C17orf113: variants seen among roughly 807,000 people sequenced by gnomAD.
C17orf113 encodes the protein uncharacterized protein C17orf113.
In C17orf113, 5 loss-of-function variants were observed where a neutral mutation model predicts 11.6. That is an observed-to-expected ratio of 0.43 (90% CI 0.23 to 0.91). C17orf113 has a LOEUF of 0.91. Ranked by LOEUF, C17orf113 falls within the 40% of genes least tolerant of loss-of-function variation. The probability of loss-of-function intolerance (pLI) is 0.26; values close to 1 mark genes in which losing one functional copy is unlikely to be tolerated. For missense variants in C17orf113, 714 were observed against 841.3 expected (o/e 0.85, Z 1.87); for synonymous variants, 327 against 390.6 (o/e 0.84, Z 1.92).
At position 42,043,267 on chromosome 17, in the gene C17orf113, T is replaced by A. The variant is rs1415443923; in HGVS notation, c.110A>T (p.Asp37Val). The part of the protein sequence containing the change: ...WKEEFTWLDF[D>V]YERKLMFCLE... ...GCAGAACATCAGCTTCCGCTCATAG[T>A]CAAAGTCCAGCCAGGTAAACTCCTC... The change falls in exon 2 of 3, where the codon GAC (aspartate) becomes GTC (valine). Residue 37 changes from aspartate to valine, a missense_variant. Coordinates refer to ENST00000587304, the MANE Select transcript of C17orf113 (RefSeq NM_001358661.2). The A allele has an allele frequency of 4.4e-5, 54 of 1,232,136 alleles. No homozygotes were observed. The highest frequency in any genetic ancestry group is 5.4e-5 in the Non-Finnish European group (53 of 988,016). 76.3% of individuals were successfully genotyped at this position (1,232,136 alleles called of 1,614,324 possible).
intron 1 of C17orf113, among the ~76,000 whole-genome samples, chr17:42,047,899 C>T (rs1011742984): frequency 9.2e-5 from 14 of 152,110 alleles, no homozygotes; most frequent in African/African-American, 2.9e-4. Context: ...GTGATCTGCC[C>T]GCCTCAGCCT....
chr17:42,040,081 G>A lies in C17orf113; in HGVS notation c.1652C>T (p.Ala551Val), dbSNP rs2052976542. The stretch of plus-strand genomic sequence containing the variant: ...GCCCAGCGCCCGCTGGCGCACCACG[G>A]CAGGAGCAAAGCCGCGCAGCAGCAC... ...LRVLLRGFAP[A>V]VVRQRALGDF... The change falls in exon 3 of 3, where the codon GCC (alanine) becomes GTC (valine). Residue 551 changes from alanine to valine, a missense_variant. By Grantham distance (64) the Ala-to-Val change is moderately conservative. Around this residue, in one of 3 missense-constraint regions of C17orf113, gnomAD observed 194 missense variants for 197.2 expected, o/e 0.98. Transcript: ENST00000587304. The A allele has an allele frequency of 2.4e-6, 3 of 1,231,286 alleles. No homozygotes were observed. The highest frequency in any genetic ancestry group is 3.0e-6 in the Non-Finnish European group (3 of 987,620). 76.3% of individuals were successfully genotyped at this position (1,231,286 alleles called of 1,614,324 possible).
Position 42,043,381 on chromosome 17 carries a change from GCT to G in C17orf113, c.-7_-6del. On this transcript the variant is annotated 5_prime_UTR_variant, in exon 2 of 3. Coordinates refer to ENST00000587304, the MANE Select transcript of C17orf113 (RefSeq NM_001358661.2). ...TTTCTTCCCTGGGGGCACCATTCTTGCTCTCTCAGCAAGGAACCCCCAACCCC... is the reference window on the plus strand; with the variant it reads ...TTTCTTCCCTGGGGGCACCATTCTTGCTCTCAGCAAGGAACCCCCAACCCC... The G allele has an allele frequency of 8.1e-7, 1 of 1,232,216 alleles. No homozygotes were observed. Among genetic ancestry groups the G allele is most frequent in the Non-Finnish European group, 1.0e-6 (1 of 988,018 alleles). 76.3% of individuals were successfully genotyped at this position (1,232,216 alleles called of 1,614,324 possible).
intron 1 of C17orf113, among the ~76,000 whole-genome samples, chr17:42,044,627 AAAAG>A (rs1265590908): frequency 2.0e-5 from 3 of 152,026 alleles, no homozygotes; most frequent in East Asian, 1.9e-4. Context: ...AAAAAAAAAA[AAAAG>A]AAAGAAAAGA....
intron 1 of C17orf113, among the ~76,000 whole-genome samples, chr17:42,046,863 CT>C (rs782334593): frequency 4.3e-3 from 611 of 140,496 alleles, no homozygotes; most frequent in Non-Finnish European, 4.5e-3. Context: ...ATTTTTTTTC[CT>C]TTTTTTTTTT....
chr17:42,049,300 C>T (rs2053236642), intron 1 of C17orf113, among the ~76,000 whole-genome samples: 1 of 152,196 alleles, frequency 6.6e-6, no homozygotes. Context: ...TCTCTCCATT[C>T]CATGCTCCAC....
Position 42,049,674 on chromosome 17 carries a change from T to G in C17orf113, c.-188+883A>C, listed in dbSNP as rs181169755. On this transcript the variant is annotated intron_variant, in intron 1 of 2. Coordinates refer to ENST00000587304, the MANE Select transcript of C17orf113 (RefSeq NM_001358661.2). ...GGGGTGCAAAAGCAAGGTGATGCCC[T>G]TCTGGAATTTTGTCAGATCCTTTCC... 2.9e-4 allele frequency among the ~76,000 whole-genome samples: 44 copies of G among 152,362 alleles called. 1 individual carries two copies. Among genetic ancestry groups the G allele is most frequent in the Admixed American group, 2.7e-3 (42 of 15,310 alleles).
intron 1 of C17orf113, among the ~76,000 whole-genome samples, chr17:42,045,195 G>C (rs1043339098): frequency 1.3e-5 from 2 of 152,148 alleles, no homozygotes; most frequent in Admixed American, 6.5e-5. Flanking sequence ...GGGATTACAG[G>C]CGTGAGCCAC....
At position 42,050,509 on chromosome 17, in the gene C17orf113, G is replaced by A. The variant is rs1555657013; in HGVS notation, c.-188+48C>T. 1.3e-5 allele frequency: 2 copies of A among 152,142 alleles called. No homozygotes were observed. Among genetic ancestry groups the A allele is most frequent in the Admixed American group, 6.5e-5 (1 of 15,270 alleles). The allele number at this position is 152,142 out of a possible 1,614,324, so 9.4% of individuals were successfully genotyped here. A position where few individuals can be genotyped will look rare whatever the true frequency, so the allele number is the denominator to read the frequency against. ...CGCCCGTCCCGCCCGCTCCGGGAGG[G>A]GGCGTCCAGCCCGGCCTGGCGCCCC... On this transcript the variant is annotated intron_variant, in intron 1 of 2. Coordinates refer to ENST00000587304, the MANE Select transcript of C17orf113 (RefSeq NM_001358661.2). The surrounding 1 kb of genome is among the most constrained non-coding windows in gnomAD (Gnocchi z 5.6).
intron 1 of C17orf113, among the ~76,000 whole-genome samples, chr17:42,045,168 C>T (rs1217706596): frequency 6.6e-6 from 1 of 152,166 alleles, no homozygotes; most frequent in South Asian, 2.1e-4. Flanking sequence ...CCGTCCGCCT[C>T]GGCCTCCCAA....
chr17:42,046,643 C>T (rs4796630), intron 1 of C17orf113, among the ~76,000 whole-genome samples: 109,444 of 151,720 alleles, frequency 0.72, 42,056 homozygotes, highest in South Asian at 0.85. Context: ...AATAAAAATA[C>T]GAGAGGCCAA....
intron 1 of C17orf113, among the ~76,000 whole-genome samples, chr17:42,047,389 G>A (rs898505575): frequency 2.1e-4 from 32 of 151,996 alleles, no homozygotes; most frequent in Admixed American, 4.6e-4. Flanking sequence ...TGACCAGGCT[G>A]ATCTCGAACT....
intron 1 of C17orf113, among the ~76,000 whole-genome samples, chr17:42,045,717 G>C (rs1440263996): frequency 6.6e-6 from 1 of 152,022 alleles, no homozygotes; most frequent in Admixed American, 6.6e-5. Flanking sequence ...CAGCTGCCTC[G>C]GTCTCTGCAT....
rs2052996904 is a variant in C17orf113 at position 42,040,667 on chromosome 17, A to T, written c.1066T>A (p.Ser356Thr). The change falls in exon 3 of 3, where the codon TCC (serine) becomes ACC (threonine). Residue 356 changes from serine to threonine, a missense_variant. Physicochemically the swap from Ser to Thr is moderately conservative, Grantham distance 58 (BLOSUM62 1). Transcript: ENST00000587304. ...LAGPRPVPWA[S>T]LLPVVEAVAE... ...ACTGCTTCCACTACAGGCAGCAGGG[A>T]GGCCCAGGGCACTGGCCGAGGCCCT... is the stretch of plus-strand genomic sequence containing the variant. The T allele has an allele frequency of 8.1e-7, 1 of 1,232,152 alleles. No individual in the cohort carries two copies. The highest frequency in any genetic ancestry group is 4.1e-5 in the South Asian group (1 of 24,330). The allele number at this position is 1,232,152 out of a possible 1,614,324, so 76.3% of individuals were successfully genotyped here.
At chr17:42,044,845 G>C (rs1555656473) in intron 1 of C17orf113, among the ~76,000 whole-genome samples, 2 of 151,506 alleles carry the variant, frequency 1.3e-5, no homozygotes, top group African/African-American at 4.8e-5. Context: ...ACCTCCCCAG[G>C]CACGAGGCCA....
Position 42,041,165 on chromosome 17 carries a change from T to A in C17orf113, c.568A>T (p.Thr190Ser). 8.1e-7 allele frequency: 1 copy of A among 1,232,238 alleles called. No individual in the cohort carries two copies. 76.3% of individuals were successfully genotyped at this position (1,232,238 alleles called of 1,614,324 possible). A position where few individuals can be genotyped will look rare whatever the true frequency, so the allele number is the denominator to read the frequency against. Residue 190 changes from threonine to serine, a missense_variant, in exon 3 of 3, where the codon ACA (threonine) becomes TCA (serine). Physicochemically the swap from Thr to Ser is moderately conservative, Grantham distance 58. Around this residue, in one of 3 missense-constraint regions of C17orf113, gnomAD observed 516 missense variants for 626.6 expected, o/e 0.82. Transcript: ENST00000587304. ...MQVAIASVLH[T>S]EACQRLKASP... ...GCCTTCAGGCGCTGGCAGGCCTCTGTGTGCAAGACACTGGCAATGGCCACC... is the reference window on the plus strand; with the variant it reads ...GCCTTCAGGCGCTGGCAGGCCTCTGAGTGCAAGACACTGGCAATGGCCACC...
At position 42,040,411 on chromosome 17, in the gene C17orf113, G is replaced by A. The variant is rs2052988944; in HGVS notation, c.1322C>T (p.Ala441Val). 1 of 1,231,986 alleles carries A rather than the reference G, an allele frequency of 8.1e-7. No individual in the cohort carries two copies. Among genetic ancestry groups the A allele is most frequent in the Non-Finnish European group, 1.0e-6 (1 of 987,998 alleles). The allele number at this position is 1,231,986 out of a possible 1,614,324, so 76.3% of individuals were successfully genotyped here. ...GCGGGCCCCACCTGAGCCGCGCTGAGCTTGGAGGGAGGCCGCAGCCGCCAT... is the reference window on the plus strand; with the variant it reads ...GCGGGCCCCACCTGAGCCGCGCTGAACTTGGAGGGAGGCCGCAGCCGCCAT... ...LVMAAAASLQ[A>V]QRGSGGARLQ... The change falls in exon 3 of 3, where the codon GCT (alanine) becomes GTT (valine). Residue 441 changes from alanine (A) to valine (V), a missense_variant. Physicochemically the swap from Ala to Val is moderately conservative, Grantham distance 64 (BLOSUM62 0). This residue lies in a region of C17orf113 where 516 missense variants were observed against 626.6 expected (regional missense o/e 0.82). Coordinates refer to ENST00000587304, the MANE Select transcript of C17orf113 (RefSeq NM_001358661.2).
At chr17:42,049,091 A>G (rs1418804082) in intron 1 of C17orf113, among the ~76,000 whole-genome samples, 4 of 151,910 alleles carry the variant, frequency 2.6e-5, no homozygotes, top group African/African-American at 9.7e-5. Flanking sequence ...CTTCCTAGTA[A>G]CACCACCCTT....
intron 1 of C17orf113, among the ~76,000 whole-genome samples, chr17:42,049,140 C>T (rs1286541574): frequency 2.0e-5 from 3 of 152,082 alleles, no homozygotes; most frequent in African/African-American, 7.2e-5. Flanking sequence ...TCCCATCCCC[C>T]GGGTCCTTTG....
Sources: gnomAD v4.1 joint callset for allele counts (sites outside exome capture counted in the v4.1 genomes callset) on GRCh38, gnomAD v4.1.1 for gene constraint, gnomAD v4.1.1 regional missense constraint, Gnocchi (gnomAD v3.1) non-coding constraint, MANE v1.5 for transcripts, NCBI Gene and HGNC (gene_info 2026-07-23, HGNC 2026-07-21) for gene names.